The following ABCC4 variants were observed in gnomAD, a reference collection of about 807,000 sequenced individuals.
ABCC4 encodes ATP binding cassette subfamily C member 4 (PEL blood group), also known as ATP-binding cassette sub-family C member 4.
Under a neutral mutation model 168.5 loss-of-function variants are expected in ABCC4, and 102 were observed. That is an observed-to-expected ratio of 0.61 (90% CI 0.52 to 0.71). The LOEUF is 0.71. Ranked by LOEUF, ABCC4 falls within the 30% of genes least tolerant of loss-of-function variation. The pLI is 0.00. For missense variants in ABCC4, 1,402 were observed against 1,605.8 expected (o/e 0.87, Z 2.17); for synonymous variants, 617 against 590.7 (o/e 1.04, Z -0.65).
chr13:95,191,106 G>A (rs2038237740), intron 9 of ABCC4, among the ~76,000 whole-genome samples: 1 of 152,182 alleles, frequency 6.6e-6, no homozygotes, highest in Non-Finnish European at 1.5e-5. Flanking sequence ...GCAGCCCACA[G>A]TTACTCATCA....
At chr13:95,201,605 A>G (rs559693268) in intron 8 of ABCC4, among the ~76,000 whole-genome samples, 22 of 152,322 alleles carry the variant, frequency 1.4e-4, no homozygotes, top group African/African-American at 5.1e-4. Flanking sequence ...CTATAAACAA[A>G]TGGCTTCAAT....
At chr13:95,179,598 A>G (rs2037823183) in intron 11 of ABCC4, among the ~76,000 whole-genome samples, 2 of 152,254 alleles carry the variant, frequency 1.3e-5, no homozygotes, top group African/African-American at 4.8e-5. Context: ...AGGACATTAC[A>G]TTAGAAATCT....
intron 29 of ABCC4, among the ~76,000 whole-genome samples, chr13:95,042,602 A>T (rs2032408518): frequency 6.6e-6 from 1 of 152,250 alleles, no homozygotes; most frequent in Admixed American, 6.5e-5. Flanking sequence ...AAGGTTCTCA[A>T]AATCTACCTA....
At chr13:95,213,628 T>TG (rs35475476) in intron 4 of ABCC4, among the ~76,000 whole-genome samples, 128,923 of 151,698 alleles carry the variant, frequency 0.85, 55,076 homozygotes, top group African/African-American at 0.91. Flanking sequence ...AAATCTCCAC[T>TG]GGGCCTCAGG....
chr13:95,023,146 A>G (rs1345072861), intron 30 of ABCC4, among the ~76,000 whole-genome samples: 1 of 152,200 alleles, frequency 6.6e-6, no homozygotes, highest in Admixed American at 6.5e-5. Flanking sequence ...AGACATTCAC[A>G]TCACTTTCTA....
chr13:95,144,170 A>ATGT (rs1362327818), intron 19 of ABCC4, among the ~76,000 whole-genome samples: 2 of 152,182 alleles, frequency 1.3e-5, no homozygotes, highest in East Asian at 3.9e-4. Context: ...ACATATGATT[A>ATGT]ATAAGATATC....
chr13:95,078,142 C>T (rs2033971556), intron 21 of ABCC4, among the ~76,000 whole-genome samples: 1 of 152,162 alleles, frequency 6.6e-6, no homozygotes, highest in Non-Finnish European at 1.5e-5. Flanking sequence ...GATTCTCCAC[C>T]AGAATGTGAT....
chr13:95,034,761 C>T (rs1327145960), intron 29 of ABCC4, 22 bp from the exon 30 acceptor site: 1 of 1,613,528 alleles, frequency 6.2e-7, no homozygotes, highest in Non-Finnish European at 8.5e-7. Context: ...CAGAAAGAAA[C>T]CCATTGAAAC....
intron 12 of ABCC4, 56 bp from the exon 13 acceptor site, chr13:95,177,849 A>C: frequency 6.5e-7 from 1 of 1,538,972 alleles, no homozygotes; most frequent in Non-Finnish European, 9.0e-7. Context: ...AACTTTCAAC[A>C]ACTGGGATGT....
chr13:95,088,742 T>A (rs897308932), intron 20 of ABCC4, among the ~76,000 whole-genome samples: 1 of 151,710 alleles, frequency 6.6e-6, no homozygotes, highest in Non-Finnish European at 1.5e-5. Flanking sequence ...TCCTTCAAAC[T>A]TTTTTTTAAA....
At chr13:95,033,912 T>C (rs750644538) in intron 30 of ABCC4, among the ~76,000 whole-genome samples, 6 of 152,110 alleles carry the variant, frequency 3.9e-5, no homozygotes, top group Non-Finnish European at 7.4e-5. Context: ...TCTGCCTGCT[T>C]GGCCTCCCAA....
chr13:95,223,345 T>C (rs1375820582), intron 4 of ABCC4, among the ~76,000 whole-genome samples: 1 of 152,082 alleles, frequency 6.6e-6, no homozygotes, highest in Non-Finnish European at 1.5e-5. Flanking sequence ...CCCTCAAATA[T>C]ATAAATAATA....
At chr13:95,030,063 C>T (rs1348603651) in intron 30 of ABCC4, among the ~76,000 whole-genome samples, 1 of 152,158 alleles carries the variant, frequency 6.6e-6, no homozygotes, top group African/African-American at 2.4e-5. Context: ...CTCTGCCGCC[C>T]AGGCTAGAGT....
At chr13:95,167,930 G>T (rs565569637) in intron 14 of ABCC4, among the ~76,000 whole-genome samples, 1 of 152,088 alleles carries the variant, frequency 6.6e-6, no homozygotes, top group Non-Finnish European at 1.5e-5. Context: ...GCAATGGCGC[G>T]ATCTCGGCTC....
intron 21 of ABCC4, among the ~76,000 whole-genome samples, chr13:95,076,597 T>TGG (rs2033916466): frequency 6.6e-6 from 1 of 151,578 alleles, no homozygotes; most frequent in Non-Finnish European, 1.5e-5. Context: ...CCTAAGTAGC[T>TGG]GGGATTACAG....
chr13:95,166,448 G>C, intron 14 of ABCC4, 81 bp from the exon 15 acceptor site: 1 of 1,214,392 alleles, frequency 8.2e-7, no homozygotes, highest in East Asian at 2.4e-5. Context: ...TCCAGAAAAA[G>C]TAACTGATCT....
intron 11 of ABCC4, among the ~76,000 whole-genome samples, chr13:95,179,248 C>T (rs1050775828): frequency 1.3e-5 from 2 of 152,146 alleles, no homozygotes; most frequent in Admixed American, 6.5e-5. Flanking sequence ...ACACCCGCCC[C>T]ATCTTCACAG....
chr13:95,077,178 T>C (rs986093054), intron 21 of ABCC4, among the ~76,000 whole-genome samples: 126 of 152,294 alleles, frequency 8.3e-4, no homozygotes, highest in African/African-American at 3.9e-4. Flanking sequence ...CAGGTGCATA[T>C]TGGGGACACG....
rs1490648085 is a variant in ABCC4, at chr13:95,091,083, C to A, written c.2536-7793G>T. Reference sequence around the variant, plus strand: ...GACAAGGTCTTCTAATTAACCCAATCCAACAAATACAAATGGAAAAAGAAT... The same window carrying A: ...GACAAGGTCTTCTAATTAACCCAATACAACAAATACAAATGGAAAAAGAAT... On this transcript the variant is annotated intron_variant, in intron 20 of 30. Transcript: ENST00000645237. Among the ~76,000 whole-genome samples the A allele has an allele frequency of 4.6e-5, 7 of 152,196 alleles. No individual in the cohort carries two copies. The East Asian group carries it at 1.4e-3, about 29-fold the overall frequency.
Sources: allele counts gnomAD v4.1 joint callset (sites outside exome capture counted in the v4.1 genomes callset), GRCh38; gene constraint gnomAD v4.1.1; transcripts MANE v1.5; gene names NCBI Gene and HGNC (gene_info 2026-07-23, HGNC 2026-07-21).